The following ATRNL1 variants were observed in gnomAD, a reference collection of about 807,000 sequenced individuals.
The protein encoded by ATRNL1 is attractin like 1.
A neutral mutation model predicts 182.7 loss-of-function variants in ATRNL1; 95 were observed. The ratio of observed to expected loss-of-function variants is 0.52; its 90% CI spans 0.44 to 0.62. The LOEUF (loss-of-function observed/expected upper bound fraction) is 0.62, where lower values mean the gene tolerates loss of function less well. Among genes scored for constraint, ATRNL1 ranks in the 20% least tolerant of loss-of-function variants. ATRNL1 has a pLI of 0.00. For missense variants in ATRNL1, 1,471 were observed against 1,679.5 expected (o/e 0.88, Z 2.17); for synonymous variants, 576 against 568.3 (o/e 1.01, Z -0.19).
intron 22 of ATRNL1, among the ~76,000 whole-genome samples, chr10:115,463,461 T>C (rs976321045): frequency 6.6e-6 from 1 of 152,142 alleles, no homozygotes; most frequent in South Asian, 2.1e-4. Context: ...ATCAATGTGA[T>C]AAAGTTTTTA....
intron 19 of ATRNL1, among the ~76,000 whole-genome samples, chr10:115,390,751 G>A (rs1843975504): frequency 1.3e-5 from 2 of 152,166 alleles, no homozygotes; most frequent in South Asian, 2.1e-4. Context: ...GGTAGCATGG[G>A]CATTTTAACA....
At chr10:115,146,802 C>CTTTTT (rs35914807) in intron 5 of ATRNL1, among the ~76,000 whole-genome samples, 2 of 145,704 alleles carry the variant, frequency 1.4e-5, no homozygotes, top group Non-Finnish European at 1.5e-5. Flanking sequence ...TGATTTCATT[C>CTTTTT]TTTTTTTTTT....
chr10:115,430,005 A>C (rs1374941270), intron 21 of ATRNL1, among the ~76,000 whole-genome samples: 34 of 152,292 alleles, frequency 2.2e-4, no homozygotes, highest in African/African-American at 7.9e-4. Flanking sequence ...CGGGAGGCGG[A>C]GCTTGCAGTG....
intron 28 of ATRNL1, among the ~76,000 whole-genome samples, chr10:115,935,214 C>T (rs563861737): frequency 6.6e-6 from 1 of 152,156 alleles, no homozygotes; most frequent in South Asian, 2.1e-4. Context: ...ACAACACTGC[C>T]TGCAACATGC....
intron 26 of ATRNL1, among the ~76,000 whole-genome samples, chr10:115,680,452 T>C (rs1946010052): frequency 6.6e-6 from 1 of 152,160 alleles, no homozygotes; most frequent in Non-Finnish European, 1.5e-5. Flanking sequence ...ATTAGTTACA[T>C]GGCCCTGCCT....
At chr10:115,791,132 C>A (rs1288544901) in intron 27 of ATRNL1, among the ~76,000 whole-genome samples, 1 of 152,240 alleles carries the variant, frequency 6.6e-6, no homozygotes. Context: ...TCCCCCAGGT[C>A]CACATAGCTT....
rs183276402 is a variant in ATRNL1 at position 115,398,219 on chromosome 10, C to T, written c.3269+3467C>T. ...GTACCTTGTGGAAGGGATTGGCAGC[C>T]GCAGTGGGCAGGGCATCAGTAGTAC... On this transcript the variant is annotated intron_variant, in intron 20 of 28. Coordinates refer to ENST00000355044, the MANE Select transcript of ATRNL1 (RefSeq NM_207303.4). Among the ~76,000 whole-genome samples, 21 of 151,992 alleles carry T rather than the reference C, an allele frequency of 1.4e-4. No individual in the cohort carries two copies. In the East Asian group the frequency reaches 2.1e-3, roughly 15 times the overall value.
chr10:115,293,741 G>A (rs1238079974), intron 15 of ATRNL1, among the ~76,000 whole-genome samples: 1 of 152,106 alleles, frequency 6.6e-6, no homozygotes, highest in African/African-American at 2.4e-5. Flanking sequence ...TAATATTTGT[G>A]GTTGACAGTT....
intron 27 of ATRNL1, among the ~76,000 whole-genome samples, chr10:115,728,354 A>G (rs766674597): frequency 6.0e-5 from 9 of 150,538 alleles, no homozygotes; most frequent in Non-Finnish European, 1.2e-4. Flanking sequence ...ATGATTAATG[A>G]CTATTCAAAG....
intron 28 of ATRNL1, among the ~76,000 whole-genome samples, chr10:115,893,133 T>C (rs1216883400): frequency 6.6e-6 from 1 of 152,124 alleles, no homozygotes; most frequent in Non-Finnish European, 1.5e-5. Flanking sequence ...CTGCTGACAA[T>C]GCAGGTTCGA....
At chr10:115,171,837 A>G (rs1338661691) in intron 8 of ATRNL1, among the ~76,000 whole-genome samples, 2 of 152,004 alleles carry the variant, frequency 1.3e-5, no homozygotes, top group Admixed American at 6.6e-5. Flanking sequence ...CCTTTACTCC[A>G]TTTTGTTTTT....
intron 28 of ATRNL1, among the ~76,000 whole-genome samples, chr10:115,940,404 G>A (rs1953691334): frequency 6.6e-6 from 1 of 152,168 alleles, no homozygotes; most frequent in Admixed American, 6.5e-5. Flanking sequence ...TGACATAGCA[G>A]GCTGGCTTCC....
chr10:115,607,170 G>A (rs1221394783), intron 26 of ATRNL1, among the ~76,000 whole-genome samples: 4 of 151,766 alleles, frequency 2.6e-5, no homozygotes, highest in African/African-American at 9.7e-5. Context: ...TGAAGCAAAT[G>A]TATATTAAAA....
intron 6 of ATRNL1, 29 bp from the exon 7 acceptor site, chr10:115,165,529 A>C (rs782306423): frequency 7.8e-7 from 1 of 1,282,382 alleles, no homozygotes; most frequent in Non-Finnish European, 1.1e-6. Context: ...ATCTTAGCTT[A>C]TGAAGTTATT....
At chr10:115,271,288 CT>C (rs74673760) in intron 13 of ATRNL1, among the ~76,000 whole-genome samples, 1,670 of 151,630 alleles carry the variant, frequency 0.011, 22 homozygotes, top group East Asian at 0.069. Flanking sequence ...TACATATATT[CT>C]TTTTTTTATT....
intron 10 of ATRNL1, among the ~76,000 whole-genome samples, chr10:115,258,011 C>T (rs1319130587): frequency 1.3e-5 from 2 of 152,180 alleles, no homozygotes; most frequent in East Asian, 1.9e-4. Context: ...TTGTGGGTAA[C>T]TTGACCTTTC....
At position 115,225,027 on chromosome 10, in the gene ATRNL1, G is replaced by T. The variant is rs192925531; in HGVS notation, c.1532+9147G>T. On this transcript the variant is annotated intron_variant, in intron 9 of 28. Coordinates refer to ENST00000355044, the MANE Select transcript of ATRNL1 (RefSeq NM_207303.4). ...GAAATAATTATGTTGAGATTTATGA[G>T]GCCAGCATAACCTTGATATAAAAAT... Among the ~76,000 whole-genome samples, 201 of 152,094 alleles carry T rather than the reference G, an allele frequency of 1.3e-3. 1 individual carries two copies. Among genetic ancestry groups the T allele is most frequent in the African/African-American group, 4.6e-3 (190 of 41,512 alleles).
chr10:115,121,066 G>T (rs1025076747), intron 2 of ATRNL1, among the ~76,000 whole-genome samples: 1 of 151,914 alleles, frequency 6.6e-6, no homozygotes, highest in Non-Finnish European at 1.5e-5. Context: ...GTTCCATAAG[G>T]TTTCAGTGAT....
intron 19 of ATRNL1, among the ~76,000 whole-genome samples, chr10:115,369,730 A>T (rs1415272893): frequency 6.6e-6 from 1 of 152,092 alleles, no homozygotes; most frequent in Non-Finnish European, 1.5e-5. Flanking sequence ...CATCCTCTCT[A>T]ACTCTTGTTA....
Sources: allele counts gnomAD v4.1 joint callset (sites outside exome capture counted in the v4.1 genomes callset), GRCh38; gene constraint gnomAD v4.1.1; transcripts MANE v1.5; gene names NCBI Gene and HGNC (gene_info 2026-07-23, HGNC 2026-07-21).